UIMC1: variants seen among roughly 807,000 people sequenced by gnomAD.
UIMC1 encodes the protein ubiquitin interaction motif containing 1, also known as BRCA1-A complex subunit RAP80.
UIMC1 carries 42 observed loss-of-function variants against 84.9 expected under a neutral mutation model. That is an observed-to-expected ratio of 0.49 (90% CI 0.39 to 0.64). The LOEUF (loss-of-function observed/expected upper bound fraction) is 0.64. UIMC1 is among the 30% of genes least tolerant of loss of function. The probability of loss-of-function intolerance (pLI) is 0.00; values close to 1 mark genes in which losing one functional copy is unlikely to be tolerated. For synonymous variants in UIMC1, 281 were observed against 293.0 expected (o/e 0.96, Z 0.42); for missense variants, 825 against 847.6 (o/e 0.97, Z 0.33).
In UIMC1 at chr5:176,969,584, A is replaced by G; in HGVS notation, c.463+17T>C. On this transcript the variant is annotated intron_variant, in intron 5 of 14. Coordinates refer to ENST00000511320, the MANE Select transcript of UIMC1 (RefSeq NM_001199298.2). The stretch of plus-strand genomic sequence containing the variant: ...TTATACTTGATGAATGGAAGGAGTC[A>G]GAACAGGGAGACATGCCTTCAGTGA... The G allele has an allele frequency of 6.2e-7, 1 of 1,611,210 alleles. No homozygotes were observed. The highest frequency in any genetic ancestry group is 8.5e-7 in the Non-Finnish European group (1 of 1,177,396).
intron 9 of UIMC1, among the ~76,000 whole-genome samples, chr5:176,946,786 G>C (rs1203070089): frequency 6.6e-6 from 1 of 152,162 alleles, no homozygotes; most frequent in Non-Finnish European, 1.5e-5. Flanking sequence ...AGTGAGCCGA[G>C]ATCCTACCAC....
intron 10 of UIMC1, among the ~76,000 whole-genome samples, chr5:176,929,483 C>T (rs545670712): frequency 1.3e-5 from 2 of 151,664 alleles, no homozygotes; most frequent in African/African-American, 2.4e-5. Context: ...AGGAGTATGG[C>T]GTGAACTCGG....
intron 5 of UIMC1, 91 bp downstream of exon 5, chr5:176,969,510 T>C: frequency 7.3e-7 from 1 of 1,373,104 alleles, no homozygotes; most frequent in Non-Finnish European, 1.0e-6. Flanking sequence ...CAAAAGGATC[T>C]GGGGTATTTC....
intron 14 of UIMC1, 115 bp downstream of exon 14, chr5:176,905,896 C>T: frequency 1.8e-6 from 2 of 1,133,130 alleles, no homozygotes; most frequent in Non-Finnish European, 2.6e-6. Flanking sequence ...CATAATAGTT[C>T]CACAGTGATT....
At chr5:176,960,320 GTCT>G (rs1413274996) in intron 6 of UIMC1, among the ~76,000 whole-genome samples, 1 of 152,014 alleles carries the variant, frequency 6.6e-6, no homozygotes, top group African/African-American at 2.4e-5. Flanking sequence ...TCCCAAGAAC[GTCT>G]TCATTTCAAT....
Position 176,976,042 on chromosome 5 carries a change from T to G in UIMC1, c.148-562A>C, listed in dbSNP as rs973820418. ...GGCCAAGCACAGTGGCTCATGCCTG[T>G]AATCCCAGCACTTTGGGAGGCTGAA... On this transcript the variant is annotated intron_variant, in intron 2 of 14. Transcript: ENST00000511320. Among the ~76,000 whole-genome samples the G allele has an allele frequency of 3.3e-5, 5 of 152,270 alleles. No homozygotes were observed. The East Asian group carries it at 9.6e-4, about 29-fold the overall frequency.
At chr5:176,937,926 T>C (rs1281915653) in intron 10 of UIMC1, among the ~76,000 whole-genome samples, 2 of 152,070 alleles carry the variant, frequency 1.3e-5, no homozygotes, top group African/African-American at 4.8e-5. Context: ...CATGGTGGCC[T>C]AGGCCTATAA....
intron 1 of UIMC1, among the ~76,000 whole-genome samples, chr5:176,987,501 A>C (rs948079320): frequency 2.0e-5 from 3 of 151,778 alleles, no homozygotes. Flanking sequence ...AAAAATAAAA[A>C]AACTAGCCAG....
chr5:176,948,213 T>C (rs1438373336), intron 9 of UIMC1, among the ~76,000 whole-genome samples: 2 of 152,250 alleles, frequency 1.3e-5, no homozygotes, highest in African/African-American at 4.8e-5. Context: ...AGAAACACTA[T>C]TTCCAAAGAA....
In UIMC1 at chr5:176,996,139, G is replaced by A. The variant is rs139569173; in HGVS notation, c.-9+10511C>T. Among the ~76,000 whole-genome samples the A allele has an allele frequency of 9.3e-4, 142 of 152,198 alleles. 2 individuals carry two copies. The highest frequency in any genetic ancestry group is 7.1e-3 in the East Asian group (37 of 5,188). Reference sequence around the variant, plus strand: ...GGAACAAACTACTGATGCATCCAACGACACAGATGAATCTCAAAGACATTA... The same window carrying A: ...GGAACAAACTACTGATGCATCCAACAACACAGATGAATCTCAAAGACATTA... On this transcript the variant is annotated intron_variant, in intron 1 of 14. Transcript: ENST00000511320.
rs767296600 is a variant in UIMC1 at position 176,905,491 on chromosome 5, C to A, written c.1951G>T (p.Val651Leu). The A allele has an allele frequency of 6.2e-7, 1 of 1,612,964 alleles. No homozygotes were observed. The highest frequency in any genetic ancestry group is 8.5e-7 in the Non-Finnish European group (1 of 1,179,730). The change falls in exon 15 of 15, where the codon GTG (valine) becomes TTG (leucine). Residue 651 changes from valine (V) to leucine (L), a missense_variant and splice_region_variant. By Grantham distance (32) the Val-to-Leu change is conservative. Coordinates refer to ENST00000511320, the MANE Select transcript of UIMC1 (RefSeq NM_001199298.2). ...IKSSETGAFR[V>L]PSPGMEEAGC... is the part of the protein sequence containing the mutation. ...GCCTCTTCCATCCCTGGTGAAGGCA[C>A]CCTAGAGAGAAGGAAAAAAATTCAG...
chr5:176,925,045 AAAG>A (rs1204084643), intron 10 of UIMC1, among the ~76,000 whole-genome samples: 4 of 152,028 alleles, frequency 2.6e-5, no homozygotes, highest in African/African-American at 9.7e-5. Context: ...AAAAAAAAAA[AAAG>A]AAAGCAAAAG....
chr5:176,985,555 C>T (rs1771853365), intron 1 of UIMC1, among the ~76,000 whole-genome samples: 1 of 151,518 alleles, frequency 6.6e-6, no homozygotes, highest in Admixed American at 6.6e-5. Flanking sequence ...GTTCTTTAAA[C>T]ATCAATTTAG....
chr5:176,986,359 C>CAAAAAAAAAAA lies in UIMC1; in HGVS notation c.-8-3747_-8-3737dup, dbSNP rs71583560. 1.4e-4 allele frequency among the ~76,000 whole-genome samples: 4 copies of CAAAAAAAAAAA among 28,016 alleles called. 1 individual carries two copies. The highest frequency in any genetic ancestry group is 2.1e-4 in the Non-Finnish European group (3 of 14,002). The allele number at this position is 28,016 out of a possible 152,430, so 18.4% of individuals were successfully genotyped here. A position where few individuals can be genotyped will look rare whatever the true frequency, so the allele number is the denominator to read the frequency against. ...TGGGTGCCAGAGTAAGACTTCATCT[C>CAAAAAAAAAAA]AAAAAAAAAAAAAAAAAAAAAAAAA... On this transcript the variant is annotated intron_variant, in intron 1 of 14. Coordinates refer to ENST00000511320, the MANE Select transcript of UIMC1 (RefSeq NM_001199298.2).
intron 2 of UIMC1, among the ~76,000 whole-genome samples, chr5:176,979,652 C>T (rs1195056070): frequency 1.3e-5 from 2 of 151,718 alleles, no homozygotes; most frequent in Non-Finnish European, 2.9e-5. Flanking sequence ...AAGGGACACA[C>T]TAAGAGAAGA....
intron 10 of UIMC1, among the ~76,000 whole-genome samples, chr5:176,921,804 T>C (rs551905739): frequency 6.6e-6 from 1 of 152,322 alleles, no homozygotes; most frequent in East Asian, 1.9e-4. Flanking sequence ...TAGATTATTT[T>C]CCACATTGTA....
intron 9 of UIMC1, among the ~76,000 whole-genome samples, chr5:176,946,253 G>A (rs540226536): frequency 2.6e-5 from 4 of 152,216 alleles, no homozygotes; most frequent in Admixed American, 2.0e-4. Flanking sequence ...GATGCATTGC[G>A]GGCTGCTGGC....
intron 1 of UIMC1, among the ~76,000 whole-genome samples, chr5:176,997,762 AGTCTACAAAGTAT>A (rs1417001945): frequency 6.6e-6 from 1 of 151,512 alleles, no homozygotes; most frequent in Non-Finnish European, 1.5e-5. Flanking sequence ...CTCTTAACAT[AGTCTACAAAGTAT>A]GTCCCGTATT....
intron 8 of UIMC1, 88 bp downstream of exon 8, chr5:176,955,871 G>GT (rs1255931025): frequency 8.0e-7 from 1 of 1,249,430 alleles, no homozygotes; most frequent in African/African-American, 1.5e-5. Flanking sequence ...CCTCCAGAGA[G>GT]TAGGTTTGAA....
Sources: gnomAD v4.1 joint callset for allele counts (sites outside exome capture counted in the v4.1 genomes callset) on GRCh38, gnomAD v4.1.1 for gene constraint, MANE v1.5 for transcripts, NCBI Gene and HGNC (gene_info 2026-07-23, HGNC 2026-07-21) for gene names.